Variants in ULBP2 observed in about 807,000 individuals in gnomAD.
ULBP2 encodes the protein UL16 binding protein 2.
ULBP2 carries 21 observed loss-of-function variants against 23.6 expected under a neutral mutation model. That is an observed-to-expected ratio of 0.89 (90% CI 0.63 to 1.28). The LOEUF (loss-of-function observed/expected upper bound fraction) is 1.28. Ranked by LOEUF, ULBP2 falls within the 50% of genes most tolerant of loss-of-function variation. The pLI, the probability that ULBP2 is intolerant of heterozygous loss-of-function variation, is 0.00. For missense variants in ULBP2, 251 were observed against 306.0 expected, an observed-to-expected ratio of 0.82 and a Z score of 1.34; for synonymous variants, 82 against 112.8, an observed-to-expected ratio of 0.73 and a Z score of 1.73.
rs546949933 is a variant in ULBP2 at position 149,948,575 on chromosome 6, G to C, written c.*23-148G>C. On this transcript the variant is annotated intron_variant, in intron 4 of 4. Coordinates refer to ENST00000367351, the MANE Select transcript of ULBP2 (RefSeq NM_025217.4). ...CAGAGGAGGAAAGAGGTAGGTCCAA[G>C]CTGCAGTCGCCAGGGTTGAGGCTCA... 7 of 425,804 alleles carry C rather than the reference G, an allele frequency of 1.6e-5. No homozygotes were observed. The East Asian group carries it at 4.9e-4, about 30-fold the overall frequency. The allele number at this position is 425,804 out of a possible 1,614,324, so 26.4% of individuals were successfully genotyped here. A position where few individuals can be genotyped will look rare whatever the true frequency, so the allele number is the denominator to read the frequency against.
chr6:149,944,754 C>T (rs1171508642), intron 1 of ULBP2, among the ~76,000 whole-genome samples: 1,151 of 136,050 alleles, frequency 8.5e-3, no homozygotes, highest in African/African-American at 0.036. Flanking sequence ...CTGTGTGGAC[C>T]ATCTCTTTGT....
chr6:149,946,514 A>C lies in ULBP2; in HGVS notation c.492A>C (p.Gly164=). ...GAATGTGGACAACGGTTCATCCTGG[A>C]GCCAGAAAGATGAAAGAAAAGTGGG... is the stretch of plus-strand genomic sequence containing the variant. ...EKRMWTTVHP[G]ARKMKEKWEN... is the part of the protein sequence containing the mutation. The change falls in exon 3 of 5, where the codon GGA becomes GGC. Residue 164 remains glycine, a synonymous_variant. Transcript: ENST00000367351. 1 of 1,614,110 alleles carries C rather than the reference A, an allele frequency of 6.2e-7. No homozygotes were observed. Among genetic ancestry groups the C allele is most frequent in the South Asian group, 1.1e-5 (1 of 91,084 alleles).
chr6:149,947,698 C>T (rs1373201106), intron 4 of ULBP2, among the ~76,000 whole-genome samples: 5 of 152,090 alleles, frequency 3.3e-5, no homozygotes, highest in African/African-American at 1.2e-4. Flanking sequence ...CATACCAAGG[C>T]TCAGGGTCTG....
rs769555816 is a variant in ULBP2, at chr6:149,948,843, A to G, written c.*143A>G. 3 of 449,684 alleles carry G rather than the reference A, an allele frequency of 6.7e-6. No homozygotes were observed. Among genetic ancestry groups the G allele is most frequent in the South Asian group, 3.1e-5 (2 of 63,620 alleles). 27.9% of individuals were successfully genotyped at this position (449,684 alleles called of 1,614,324 possible). On this transcript the variant is annotated 3_prime_UTR_variant, in exon 5 of 5. Transcript: ENST00000367351. The stretch of plus-strand genomic sequence containing the variant: ...GTGGCCTCCAGCAGATCATGATGAC[A>G]TCATGGACCCAATAGCTCATTCACT...
Position 149,946,388 on chromosome 6 carries a change from G to T in ULBP2, c.366G>T (p.Gln122His). 1 of 1,613,626 alleles carries T rather than the reference G, an allele frequency of 6.2e-7. No individual in the cohort carries two copies. The highest frequency in any genetic ancestry group is 8.5e-7 in the Non-Finnish European group (1 of 1,179,678). Residue 122 changes from glutamine to histidine, a missense_variant, in exon 3 of 5, where the codon CAG becomes CAT. This residue lies in a region of ULBP2 where 248 missense variants were observed against 258.9 expected (regional missense o/e 0.96). Transcript: ENST00000367351. ...NYTPKEPLTL[Q>H]ARMSCEQKAE... The stretch of plus-strand genomic sequence containing the variant: ...TGGGGGCAGAACCCCTCACCCTGCA[G>T]GCAAGGATGTCTTGTGAGCAGAAAG...
intron 1 of ULBP2, among the ~76,000 whole-genome samples, chr6:149,944,013 T>A (rs1396637955): frequency 6.6e-6 from 1 of 151,968 alleles, no homozygotes; most frequent in Non-Finnish European, 1.5e-5. Context: ...CACCTTTACA[T>A]GTTTACAAAA....
rs1271350323 is a variant in ULBP2, at chr6:149,945,358, T to A, written c.135T>A (p.Pro45=). ...TCACCGTCATCCCTAAGTTCAGACC[T>A]GGACCACGGTGGTGTGCGGTTCAAG... ...YDITVIPKFR[P]GPRWCAVQGQ... is the part of the protein sequence containing the mutation. Residue 45 remains proline (P), a synonymous_variant, in exon 2 of 5, where the codon CCT becomes CCA. Transcript: ENST00000367351. 1.2e-6 allele frequency: 2 copies of A among 1,612,302 alleles called. No homozygotes were observed. The highest frequency in any genetic ancestry group is 2.2e-5 in the South Asian group (2 of 90,998).
rs1014088573 is a variant in ULBP2 at position 149,948,856 on chromosome 6, T to C, written c.*156T>C. ...GATCATGATGACATCATGGACCCAA[T>C]AGCTCATTCACTGCCTTGATTCCTT... On this transcript the variant is annotated 3_prime_UTR_variant, in exon 5 of 5. Transcript: ENST00000367351. 2.5e-5 allele frequency: 11 copies of C among 432,406 alleles called. No individual in the cohort carries two copies. Among genetic ancestry groups the C allele is most frequent in the Middle Eastern group, 6.7e-4 (2 of 2,982 alleles). The allele number at this position is 432,406 out of a possible 1,614,324, so 26.8% of individuals were successfully genotyped here.
chr6:149,946,441 A>G lies in ULBP2; in HGVS notation c.419A>G (p.Gln140Arg). 1 of 1,614,206 alleles carries G rather than the reference A, an allele frequency of 6.2e-7. No individual in the cohort carries two copies. Among genetic ancestry groups the G allele is most frequent in the Non-Finnish European group, 8.5e-7 (1 of 1,180,048 alleles). ...KAEGHSSGSW[Q>R]FSFDGQIFLL... The stretch of plus-strand genomic sequence containing the variant: ...GAAGGACACAGCAGTGGATCTTGGC[A>G]GTTCAGTTTCGATGGGCAGATCTTC... Residue 140 changes from glutamine to arginine, a missense_variant, in exon 3 of 5, where the codon CAG (glutamine) becomes CGG (arginine). Physicochemically the swap from Gln to Arg is conservative, Grantham distance 43 (BLOSUM62 1). Coordinates refer to ENST00000367351, the MANE Select transcript of ULBP2 (RefSeq NM_025217.4).
rs1282726915 is a variant in ULBP2 at position 149,942,143 on chromosome 6, G to T, written c.71G>T (p.Arg24Leu). 1 of 1,610,180 alleles carries T rather than the reference G, an allele frequency of 6.2e-7. No individual in the cohort carries two copies. The highest frequency in any genetic ancestry group is 8.5e-7 in the Non-Finnish European group (1 of 1,178,952). Reference protein sequence around the residue: ...PLLLLLSGWSRAGRADPHSLC... With the variant: ...PLLLLLSGWSLAGRADPHSLC... The stretch of plus-strand genomic sequence containing the variant: ...CTGCTCCTGCTGTCCGGCTGGTCCC[G>T]GGCTGGGCGAGCCGGTGAGTTCGTG... Residue 24 changes from arginine to leucine, a missense_variant, in exon 1 of 5, where the codon CGG becomes CTG. Coordinates refer to ENST00000367351, the MANE Select transcript of ULBP2 (RefSeq NM_025217.4).
intron 3 of ULBP2, 125 bp from the exon 4 acceptor site, chr6:149,947,195 C>G (rs987524512): frequency 1.3e-6 from 2 of 1,574,148 alleles, no homozygotes; most frequent in Admixed American, 3.7e-5. Flanking sequence ...CTGGCTGCCC[C>G]ACACCAGGGG....
Position 149,945,695 on chromosome 6 carries a change from C to T in ULBP2, c.349+123C>T, listed in dbSNP as rs554889455. 4.5e-6 allele frequency: 7 copies of T among 1,569,474 alleles called. No homozygotes were observed. In the African/African-American group the frequency reaches 8.1e-5, roughly 18 times the overall value. ...CGGTGGCTCACGCCTGTAGTCCCAG[C>T]ACTTTGTGAGGTAGAGGTGGGCCGA... On this transcript the variant is annotated intron_variant, in intron 2 of 4. Coordinates refer to ENST00000367351, the MANE Select transcript of ULBP2 (RefSeq NM_025217.4).
chr6:149,944,444 T>C (rs981415694), intron 1 of ULBP2, among the ~76,000 whole-genome samples: 4 of 146,022 alleles, frequency 2.7e-5, no homozygotes, highest in African/African-American at 5.2e-5. Context: ...CACCTGGAAT[T>C]TGGAATTTCA....
intron 3 of ULBP2, among the ~76,000 whole-genome samples, chr6:149,947,029 C>G (rs750120076): frequency 2.0e-5 from 3 of 151,718 alleles, no homozygotes; most frequent in Non-Finnish European, 4.4e-5. Flanking sequence ...AACGCCAGCC[C>G]AGAGATCCTC....
At position 149,945,448 on chromosome 6, in the gene ULBP2, T is replaced by A; in HGVS notation, c.225T>A (p.Ser75Arg). 1.2e-6 allele frequency: 2 copies of A among 1,613,940 alleles called. No homozygotes were observed. Among genetic ancestry groups the A allele is most frequent in the Non-Finnish European group, 1.7e-6 (2 of 1,179,876 alleles). The change falls in exon 2 of 5, where the codon AGT becomes AGA. Residue 75 changes from serine to arginine, a missense_variant. Physicochemically the swap from Ser to Arg is moderately radical, Grantham distance 110 (BLOSUM62 -1). Transcript: ENST00000367351. ...DCGNKTVTPV[S>R]PLGKKLNVTT... is the part of the protein sequence containing the mutation. ...GCAACAAGACAGTCACACCTGTCAG[T>A]CCCCTGGGGAAGAAACTAAATGTCA...
At chr6:149,948,393 G>C (rs1399778152) in intron 4 of ULBP2, among the ~76,000 whole-genome samples, 1 of 152,166 alleles carries the variant, frequency 6.6e-6, no homozygotes, top group African/African-American at 2.4e-5. Flanking sequence ...CTTTTTGGAA[G>C]TCTGCCCCAC....
intron 1 of ULBP2, among the ~76,000 whole-genome samples, chr6:149,944,047 T>C (rs973218099): frequency 6.6e-6 from 1 of 151,992 alleles, no homozygotes; most frequent in Non-Finnish European, 1.5e-5. Flanking sequence ...CAAACTCTAC[T>C]GGCCATAAAT....
intron 2 of ULBP2, 62 bp from the exon 3 acceptor site, chr6:149,946,310 G>C: frequency 6.4e-7 from 1 of 1,554,542 alleles, no homozygotes; most frequent in Non-Finnish European, 8.7e-7. Context: ...AATTGTAAGG[G>C]GAACAGGATG....
intron 1 of ULBP2, among the ~76,000 whole-genome samples, chr6:149,942,595 C>T (rs1454623132): frequency 2.0e-5 from 3 of 152,146 alleles, no homozygotes; most frequent in Non-Finnish European, 2.9e-5. Flanking sequence ...CCGCTCTCCA[C>T]CACACAAACC....
Sources: allele counts gnomAD v4.1 joint callset (sites outside exome capture counted in the v4.1 genomes callset), GRCh38; gene constraint gnomAD v4.1.1; regional missense constraint gnomAD v4.1.1; transcripts MANE v1.5; gene names NCBI Gene and HGNC (gene_info 2026-07-23, HGNC 2026-07-21).